BPTF: variants seen among roughly 807,000 people sequenced by gnomAD.
BPTF encodes nucleosome-remodeling factor subunit BPTF.
A neutral mutation model predicts 292.5 loss-of-function variants in BPTF; 18 were observed. The ratio of observed to expected loss-of-function variants is 0.06; its 90% CI spans 0.04 to 0.09. The LOEUF is 0.09. Ranked by LOEUF, BPTF falls within the 10% of genes least tolerant of loss-of-function variation. The pLI is 1.00. For synonymous variants in BPTF, 1,225 were observed against 1,251.9 expected, an observed-to-expected ratio of 0.98 and a Z score of 0.45; for missense variants, 2,726 against 3,498.7, an observed-to-expected ratio of 0.78 and a Z score of 5.57.
intron 27 of BPTF, among the ~76,000 whole-genome samples, chr17:67,976,304 C>T (rs1404206035): frequency 6.6e-6 from 1 of 152,206 alleles, no homozygotes; most frequent in Non-Finnish European, 1.5e-5. Flanking sequence ...GAAACCCCGT[C>T]TCTACCAAAA....
In BPTF at chr17:67,854,314, C is replaced by G; in HGVS notation, c.988C>G (p.Leu330Val). Residue 330 changes from leucine (L) to valine (V), a missense_variant, in exon 2 of 28, where the codon CTG (leucine) becomes GTG (valine). Leu to Val is a conservative substitution (Grantham distance 32). Transcript: ENST00000306378. This position sits in a 1 kb window ranked among gnomAD's most constrained non-coding sequence, Gnocchi z 5.6. ...AGATGGGATGACGTGGCCAGAGGTG[C>G]TGCGGGTGTACTGTGAGAGTGATAA... The part of the protein sequence containing the change: ...FIDGMTWPEV[L>V]RVYCESDKEY... The G allele has an allele frequency of 6.2e-7, 1 of 1,614,196 alleles. No individual in the cohort carries two copies. Among genetic ancestry groups the G allele is most frequent in the Non-Finnish European group, 8.5e-7 (1 of 1,180,040 alleles).
intron 1 of BPTF, among the ~76,000 whole-genome samples, chr17:67,830,930 C>T (rs1418778302): frequency 6.6e-6 from 1 of 152,166 alleles, no homozygotes; most frequent in Non-Finnish European, 1.5e-5. Flanking sequence ...GAAACAGAAC[C>T]ATATCAAATC....
intron 3 of BPTF, among the ~76,000 whole-genome samples, chr17:67,870,970 C>T (rs527270786): frequency 1.3e-3 from 203 of 151,384 alleles, no homozygotes; most frequent in East Asian, 5.8e-3. Flanking sequence ...GGGGTTTCAC[C>T]GTTTTTTAGC....
chr17:67,881,070 T>TA (rs1423676807), intron 4 of BPTF, among the ~76,000 whole-genome samples: 3 of 152,036 alleles, frequency 2.0e-5, no homozygotes, highest in Non-Finnish European at 4.4e-5. Flanking sequence ...TGGTAGAAGT[T>TA]ATGTGAAGGA....
intron 9 of BPTF, among the ~76,000 whole-genome samples, chr17:67,906,004 C>T (rs1598558811): frequency 6.6e-6 from 1 of 152,042 alleles, no homozygotes; most frequent in African/African-American, 2.4e-5. Context: ...ACATATGTCA[C>T]AAACCTGCAC....
chr17:67,921,722 T>C (rs992495445), intron 13 of BPTF, among the ~76,000 whole-genome samples: 3 of 152,058 alleles, frequency 2.0e-5, no homozygotes, highest in Non-Finnish European at 4.4e-5. Context: ...TCCTAGTAGA[T>C]GATAAATTTT....
chr17:67,900,909 T>C (rs2061789222), intron 7 of BPTF, among the ~76,000 whole-genome samples: 2 of 151,188 alleles, frequency 1.3e-5, no homozygotes, highest in South Asian at 4.2e-4. Flanking sequence ...CTTGGGAGAC[T>C]GAGCCTAGAA....
chr17:67,939,765 A>G (rs906214185), intron 18 of BPTF, among the ~76,000 whole-genome samples: 3 of 152,226 alleles, frequency 2.0e-5, no homozygotes, highest in Admixed American at 2.0e-4. Context: ...CTGTAGTCCC[A>G]GCTACTCGGG....
intron 1 of BPTF, among the ~76,000 whole-genome samples, chr17:67,844,934 C>T (rs574663829): frequency 2.0e-5 from 3 of 152,036 alleles, no homozygotes; most frequent in Admixed American, 1.3e-4. Flanking sequence ...GTAGAGACAG[C>T]GTTTCTTCAT....
intron 4 of BPTF, among the ~76,000 whole-genome samples, chr17:67,887,805 AT>A (rs1230192128): frequency 6.6e-6 from 1 of 152,132 alleles, no homozygotes; most frequent in Non-Finnish European, 1.5e-5. Flanking sequence ...TGTTAACCTC[AT>A]TCTCTCCCAG....
chr17:67,946,183 T>G lies in BPTF; in HGVS notation c.7475T>G (p.Val2492Gly). 1 of 1,614,226 alleles carries G rather than the reference T, an allele frequency of 6.2e-7. No individual in the cohort carries two copies. The highest frequency in any genetic ancestry group is 2.2e-5 in the East Asian group (1 of 44,894). The part of the protein sequence containing the change: ...QTHQIQNVVT[V>G]QAASVQEQLQ... Reference sequence around the variant, plus strand: ...CACCAGATTCAGAATGTGGTTACAGTGCAGGCAGCCAGTGTGCAAGAGCAG... The same window carrying G: ...CACCAGATTCAGAATGTGGTTACAGGGCAGGCAGCCAGTGTGCAAGAGCAG... Residue 2492 changes from valine (V) to glycine (G), a missense_variant, in exon 21 of 28, where the codon GTG becomes GGG. This residue lies in a region of BPTF where 570 missense variants were observed against 633.5 expected (regional missense o/e 0.90). Transcript: ENST00000306378.
chr17:67,958,602 G>A (rs897320668), intron 23 of BPTF, among the ~76,000 whole-genome samples: 2 of 152,064 alleles, frequency 1.3e-5, no homozygotes, highest in African/African-American at 4.8e-5. Flanking sequence ...GGTGGTGGGT[G>A]CCTGTAATCC....
chr17:67,869,931 G>A (rs1001447297), intron 3 of BPTF, among the ~76,000 whole-genome samples: 1 of 149,578 alleles, frequency 6.7e-6, no homozygotes, highest in Non-Finnish European at 1.5e-5. Context: ...GAACCCGGGA[G>A]GCAGAGCTTG....
chr17:67,941,770 G>T (rs2065385072), intron 19 of BPTF, among the ~76,000 whole-genome samples: 1 of 152,168 alleles, frequency 6.6e-6, no homozygotes, highest in South Asian at 2.1e-4. Context: ...ACCTTTAGAA[G>T]ATAGAAGAAT....
intron 8 of BPTF, among the ~76,000 whole-genome samples, chr17:67,904,475 C>CACA (rs2062048704): frequency 6.6e-6 from 1 of 152,228 alleles, no homozygotes. Context: ...AATTGTGTTA[C>CACA]ATTTTACATG....
rs1053411426 is a variant in BPTF at position 67,968,712 on chromosome 17, C to G, written c.8539+2056C>G. 3.3e-5 allele frequency among the ~76,000 whole-genome samples: 5 copies of G among 149,996 alleles called. No individual in the cohort carries two copies. The East Asian group carries it at 5.9e-4, about 18-fold the overall frequency. Reference sequence around the variant, plus strand: ...CTGAGGCAGGAGAATGACGTGAACCCGGGAGGTGGAGCTTGCAGTGAGCCA... The same window carrying G: ...CTGAGGCAGGAGAATGACGTGAACCGGGGAGGTGGAGCTTGCAGTGAGCCA... On this transcript the variant is annotated intron_variant, in intron 26 of 27. Coordinates refer to ENST00000306378, the MANE Select transcript of BPTF (RefSeq NM_182641.4).
chr17:67,866,352 A>G (rs1280079711), intron 2 of BPTF, 112 bp from the exon 3 acceptor site: 26 of 776,584 alleles, frequency 3.3e-5, no homozygotes, highest in Non-Finnish European at 5.2e-5. Context: ...GTGAGCGCCT[A>G]TATTGAGTTT....
rs1555634839 is a variant in BPTF at position 67,886,375 on chromosome 17, T to TTTG, written c.1865-5468_1865-5467insTGT. ...AAGTTTTTTCTTTTTTTTCTTTTTT[T>TTTG]TGTGTGTGTGTGTGTGGTTTTTTGC... On this transcript the variant is annotated intron_variant, in intron 4 of 27. Coordinates refer to ENST00000306378, the MANE Select transcript of BPTF (RefSeq NM_182641.4). 1.7e-5 allele frequency: 21 copies of TTTG among 1,221,748 alleles called. No individual in the cohort carries two copies. In the African/African-American group the frequency reaches 3.2e-4, roughly 19 times the overall value. 75.7% of individuals were successfully genotyped at this position (1,221,748 alleles called of 1,614,324 possible).
intron 26 of BPTF, among the ~76,000 whole-genome samples, chr17:67,973,576 T>G (rs539627732): frequency 1.1e-4 from 16 of 151,912 alleles, no homozygotes; most frequent in Non-Finnish European, 2.1e-4. Context: ...GGTGCGATCT[T>G]GGCTCACTGC....
Sources: allele counts gnomAD v4.1 joint callset (sites outside exome capture counted in the v4.1 genomes callset), GRCh38; gene constraint gnomAD v4.1.1; regional missense constraint gnomAD v4.1.1; non-coding constraint Gnocchi (gnomAD v3.1); transcripts MANE v1.5; gene names NCBI Gene and HGNC (gene_info 2026-07-23, HGNC 2026-07-21).